Variants in ANKRD44 observed in about 807,000 individuals in gnomAD.
ANKRD44 encodes the protein ankyrin repeat domain 44, also known as serine/threonine-protein phosphatase 6 regulatory ankyrin repeat subunit B.
In ANKRD44, 35 loss-of-function variants were observed where a neutral mutation model predicts 116.0. The observed-to-expected ratio is 0.30, with a 90% CI of 0.23 to 0.40. The LOEUF is 0.40. Among genes scored for constraint, ANKRD44 ranks in the 10% least tolerant of loss-of-function variants. The pLI, the probability that ANKRD44 is intolerant of heterozygous loss-of-function variation, is 1.00. For missense variants in ANKRD44, 1,014 were observed against 1,242.6 expected, an observed-to-expected ratio of 0.82 and a Z score of 2.77; for synonymous variants, 435 against 461.8, an observed-to-expected ratio of 0.94 and a Z score of 0.74.
chr2:196,969,927 C>G (rs879243772), intron 21 of ANKRD44, among the ~76,000 whole-genome samples: 5 of 152,112 alleles, frequency 3.3e-5, no homozygotes, highest in Admixed American at 3.3e-4. Context: ...ATAAAAGGAA[C>G]TGAACTTAGC....
At chr2:197,170,594 C>T (rs552941518) in intron 2 of ANKRD44, among the ~76,000 whole-genome samples, 2 of 152,170 alleles carry the variant, frequency 1.3e-5, no homozygotes, top group Non-Finnish European at 2.9e-5. Flanking sequence ...CTTTCTTAGA[C>T]TTGAAAATAA....
intron 21 of ANKRD44, among the ~76,000 whole-genome samples, chr2:196,980,056 A>ATTC (rs2075790267): frequency 6.6e-6 from 1 of 152,166 alleles, no homozygotes; most frequent in African/African-American, 2.4e-5. Flanking sequence ...GCACTCTGAA[A>ATTC]GGCTTTTCTT....
At chr2:197,275,772 T>C (rs558091795) in intron 1 of ANKRD44, among the ~76,000 whole-genome samples, 14 of 152,212 alleles carry the variant, frequency 9.2e-5, no homozygotes, top group Non-Finnish European at 1.9e-4. Context: ...AACGCTACAG[T>C]CCTACAGTGC....
chr2:197,310,658 C>A lies in ANKRD44; in HGVS notation c.-54G>T. The A allele has an allele frequency of 7.6e-7, 1 of 1,314,838 alleles. No homozygotes were observed. 81.4% of individuals were successfully genotyped at this position (1,314,838 alleles called of 1,614,324 possible). A position where few individuals can be genotyped will look rare whatever the true frequency, so the allele number is the denominator to read the frequency against. On this transcript the variant is annotated 5_prime_UTR_variant, in exon 1 of 28. Transcript: ENST00000282272. The stretch of plus-strand genomic sequence containing the variant: ...GCAGGTCCCCGGCCCGCAGATGTCA[C>A]GCCGGGAGCCGGGGAAGCGGAAGGG...
chr2:196,986,198 C>A (rs1347877391), downstream of ANKRD44, among the ~76,000 whole-genome samples: 1 of 152,008 alleles, frequency 6.6e-6, no homozygotes, highest in Non-Finnish European at 1.5e-5. Flanking sequence ...TTGTCATAAC[C>A]CAGCTCAAAT....
intron 1 of ANKRD44, among the ~76,000 whole-genome samples, chr2:197,278,940 T>C (rs2083184125): frequency 6.6e-6 from 1 of 152,194 alleles, no homozygotes; most frequent in Non-Finnish European, 1.5e-5. Flanking sequence ...CACGTGGAAT[T>C]CTCATTTGCA....
chr2:197,298,168 T>C (rs1362799560), intron 1 of ANKRD44, among the ~76,000 whole-genome samples: 2 of 152,252 alleles, frequency 1.3e-5, no homozygotes. Context: ...CCCATTAGAA[T>C]TGAGACCTTG....
At chr2:196,982,422 C>T (rs117133610), downstream of ANKRD44, among the ~76,000 whole-genome samples, 3 of 152,110 alleles carry the variant, frequency 2.0e-5, no homozygotes, top group East Asian at 1.9e-4. Flanking sequence ...AGTAAACTTG[C>T]GAGACAGTTT....
At chr2:197,143,998 T>C (rs2079437670) in intron 3 of ANKRD44, among the ~76,000 whole-genome samples, 2 of 152,196 alleles carry the variant, frequency 1.3e-5, no homozygotes. Flanking sequence ...CCCAGTATCT[T>C]AACTCTTAGC....
At chr2:197,183,634 G>C (rs2080571693) in intron 2 of ANKRD44, among the ~76,000 whole-genome samples, 3 of 152,050 alleles carry the variant, frequency 2.0e-5, no homozygotes, top group Admixed American at 2.0e-4. Flanking sequence ...GGGGTCAAAT[G>C]ATCTTTGTAC....
intron 1 of ANKRD44, among the ~76,000 whole-genome samples, chr2:197,192,501 G>A (rs997111000): frequency 2.0e-5 from 3 of 152,146 alleles, no homozygotes; most frequent in South Asian, 2.1e-4. Context: ...TGTCATTAAA[G>A]TAAGATGGGA....
At chr2:197,196,490 T>C (rs2080951675) in intron 1 of ANKRD44, among the ~76,000 whole-genome samples, 1 of 152,198 alleles carries the variant, frequency 6.6e-6, no homozygotes, top group Non-Finnish European at 1.5e-5. Context: ...CTTGTGGTCA[T>C]GAGTAATTTT....
At chr2:197,163,712 C>G (rs2080026836) in intron 2 of ANKRD44, among the ~76,000 whole-genome samples, 1 of 152,114 alleles carries the variant, frequency 6.6e-6, no homozygotes, top group African/African-American at 2.4e-5. Context: ...ACTGCAACCT[C>G]CACCTCCTGG....
rs10581633 is a variant in ANKRD44 at position 197,078,289 on chromosome 2, CCACACA to C, written c.1650+408_1650+413del. On this transcript the variant is annotated intron_variant, in intron 16 of 27. Coordinates refer to ENST00000282272, the MANE Select transcript of ANKRD44 (RefSeq NM_001195144.2). The stretch of plus-strand genomic sequence containing the variant: ...AAAGCCTTCACTCTGCCACTGATTA[CCACACA>C]CACACACACACACACACACACACAC... 1,238 of 157,802 alleles carry C rather than the reference CCACACA, an allele frequency of 7.8e-3. 11 individuals are homozygous for C. Among genetic ancestry groups the C allele is most frequent in the African/African-American group, 0.02 (777 of 39,286 alleles). The allele number at this position is 157,802 out of a possible 1,614,324, so 9.8% of individuals were successfully genotyped here.
chr2:197,067,383 C>G (rs916865259), intron 16 of ANKRD44, among the ~76,000 whole-genome samples: 3 of 152,204 alleles, frequency 2.0e-5, no homozygotes, highest in Non-Finnish European at 4.4e-5. Flanking sequence ...GCAAGGACTT[C>G]ATGTCTAAAA....
At chr2:197,061,624 T>C (rs1438265042) in intron 16 of ANKRD44, among the ~76,000 whole-genome samples, 3 of 152,346 alleles carry the variant, frequency 2.0e-5, no homozygotes, top group Non-Finnish European at 4.4e-5. Context: ...TCCTGCAGAA[T>C]ATGGGGGCAG....
At chr2:196,981,019 TTCAG>T (rs143343906) in intron 21 of ANKRD44, among the ~76,000 whole-genome samples, 22,347 of 152,118 alleles carry the variant, frequency 0.15, 1,699 homozygotes, top group African/African-American at 0.2. Flanking sequence ...CTTTTTTTTC[TTCAG>T]TCATTCTCAA....
intron 1 of ANKRD44, among the ~76,000 whole-genome samples, chr2:197,267,011 A>T (rs1203411498): frequency 6.6e-6 from 1 of 152,206 alleles, no homozygotes; most frequent in East Asian, 1.9e-4. Context: ...TCTGTAACAT[A>T]TTCTCAGCAC....
chr2:197,069,403 C>A (rs1304263237), intron 16 of ANKRD44, among the ~76,000 whole-genome samples: 2 of 152,098 alleles, frequency 1.3e-5, no homozygotes, highest in Admixed American at 6.6e-5. Flanking sequence ...ACATATGTAA[C>A]AAACCTGCAC....
Sources: allele counts gnomAD v4.1 joint callset (sites outside exome capture counted in the v4.1 genomes callset), GRCh38; gene constraint gnomAD v4.1.1; transcripts MANE v1.5; gene names NCBI Gene and HGNC (gene_info 2026-07-23, HGNC 2026-07-21).